The following DOCK3 variants were observed in gnomAD, a reference collection of about 807,000 sequenced individuals.
DOCK3 encodes the protein dedicator of cytokinesis 3.
DOCK3 carries 60 observed loss-of-function variants against 265.6 expected under a neutral mutation model. The observed-to-expected ratio is 0.23, with a 90% CI of 0.18 to 0.28. The LOEUF (loss-of-function observed/expected upper bound fraction) is 0.28. Ranked by LOEUF, DOCK3 falls within the 10% of genes least tolerant of loss-of-function variation. DOCK3 has a pLI of 1.00. For missense variants in DOCK3, 1,981 were observed against 2,594.3 expected (o/e 0.76, Z 5.14); for synonymous variants, 881 against 938.0 (o/e 0.94, Z 1.11).
intron 3 of DOCK3, among the ~76,000 whole-genome samples, chr3:50,879,946 G>A (rs2047937761): frequency 6.6e-6 from 1 of 152,166 alleles, no homozygotes; most frequent in African/African-American, 2.4e-5. Flanking sequence ...AGACCACAGT[G>A]CAATCAAACT....
chr3:50,699,200 C>T (rs1035891935), intron 1 of DOCK3, among the ~76,000 whole-genome samples: 8 of 152,228 alleles, frequency 5.3e-5, no homozygotes, highest in East Asian at 1.9e-4. Context: ...AATCTTGGCA[C>T]GCTTGTCAAA....
chr3:51,075,322 A>C (rs1575980771), intron 6 of DOCK3, 34 bp from the exon 7 acceptor site: 5 of 1,564,512 alleles, frequency 3.2e-6, no homozygotes, highest in Non-Finnish European at 4.4e-6. Context: ...ATCTGAGTAC[A>C]TGGCATACTG....
chr3:51,335,258 CA>C (rs1043298728), intron 35 of DOCK3, among the ~76,000 whole-genome samples: 6 of 149,670 alleles, frequency 4.0e-5, no homozygotes, highest in African/African-American at 7.4e-5. Flanking sequence ...AAGAAAAAGC[CA>C]AAAAAAAAGA....
At chr3:51,380,312 A>C (rs1577001551) in intron 52 of DOCK3, 105 bp downstream of exon 52, 21 of 1,059,356 alleles carry the variant, frequency 2.0e-5, no homozygotes, top group East Asian at 1.4e-4. Context: ...CCTCCCCTTC[A>C]CCTCTCTCCC....
intron 5 of DOCK3, among the ~76,000 whole-genome samples, chr3:51,043,644 A>G (rs1313024639): frequency 6.6e-6 from 1 of 152,120 alleles, no homozygotes; most frequent in Non-Finnish European, 1.5e-5. Flanking sequence ...GTAAACAGAC[A>G]ATCTGCAGAA....
intron 5 of DOCK3, among the ~76,000 whole-genome samples, chr3:51,022,659 T>C (rs2079643948): frequency 6.6e-6 from 1 of 152,222 alleles, no homozygotes. Context: ...TCTCCCATTC[T>C]ATAGGTTTCT....
chr3:50,974,854 A>G (rs2077378427), intron 5 of DOCK3, among the ~76,000 whole-genome samples: 2 of 136,122 alleles, frequency 1.5e-5, no homozygotes, highest in Non-Finnish European at 3.2e-5. Flanking sequence ...GAGGTCCTTC[A>G]CATCCCTTGT....
At chr3:50,836,687 T>A (rs1023877076) in intron 2 of DOCK3, among the ~76,000 whole-genome samples, 9 of 152,188 alleles carry the variant, frequency 5.9e-5, no homozygotes, top group Admixed American at 5.2e-4. Context: ...TCTTGGTGAT[T>A]AACATCTGGC....
At chr3:51,223,579 T>C (rs1220896163) in intron 14 of DOCK3, among the ~76,000 whole-genome samples, 1 of 152,106 alleles carries the variant, frequency 6.6e-6, no homozygotes, top group Non-Finnish European at 1.5e-5. Flanking sequence ...TCTAGACTAT[T>C]CACCTTGTGC....
chr3:50,889,130 T>C (rs1268807157), intron 3 of DOCK3, among the ~76,000 whole-genome samples: 1 of 150,902 alleles, frequency 6.6e-6, no homozygotes, highest in Non-Finnish European at 1.5e-5. Context: ...AGGTTCTTGC[T>C]CTGTCATATA....
At chr3:50,975,819 A>C (rs1218688450) in intron 5 of DOCK3, among the ~76,000 whole-genome samples, 10 of 151,282 alleles carry the variant, frequency 6.6e-5, no homozygotes, top group South Asian at 2.1e-4. Flanking sequence ...ACAATTTCAG[A>C]TCCTGTTATT....
chr3:50,905,160 T>C (rs1396573256), intron 4 of DOCK3, among the ~76,000 whole-genome samples: 1 of 152,166 alleles, frequency 6.6e-6, no homozygotes, highest in African/African-American at 2.4e-5. Context: ...TTTTGGTTAC[T>C]GCAGCCTTGT....
intron 5 of DOCK3, among the ~76,000 whole-genome samples, chr3:51,039,365 C>T (rs140457694): frequency 1.3e-5 from 2 of 152,024 alleles, no homozygotes; most frequent in African/African-American, 2.4e-5. Context: ...GATAAACATC[C>T]TTATAAATAA....
intron 29 of DOCK3, 137 bp from the exon 30 acceptor site, chr3:51,312,339 A>G: frequency 1.1e-6 from 1 of 900,888 alleles, no homozygotes; most frequent in South Asian, 1.7e-5. Flanking sequence ...CTTGTTTGCA[A>G]AGATATTTAA....
chr3:51,228,055 C>A lies in DOCK3; in HGVS notation c.1614C>A (p.Leu538=). Residue 538 remains leucine (L), a synonymous_variant, in exon 17 of 53, where the codon CTC becomes CTA. Transcript: ENST00000266037. ...TGATGCGTGATGATGGCACCACCCT[C>A]TCAGATGATATTCACGAGCTTTATG... The part of the protein sequence containing the change: ...STLMRDDGTT[L]SDDIHELYVY... 1 of 1,614,024 alleles carries A rather than the reference C, an allele frequency of 6.2e-7. No individual in the cohort carries two copies. The highest frequency in any genetic ancestry group is 8.5e-7 in the Non-Finnish European group (1 of 1,179,894).
At chr3:51,139,571 G>T (rs2084956872) in intron 9 of DOCK3, among the ~76,000 whole-genome samples, 1 of 152,096 alleles carries the variant, frequency 6.6e-6, no homozygotes, top group African/African-American at 2.4e-5. Flanking sequence ...CCTATTATAG[G>T]GTTGGGCTCT....
intron 2 of DOCK3, among the ~76,000 whole-genome samples, chr3:50,840,085 T>C (rs1021219753): frequency 6.6e-6 from 1 of 152,000 alleles, no homozygotes; most frequent in Non-Finnish European, 1.5e-5. Flanking sequence ...TATTTTCTTA[T>C]TGAGTTTTAA....
At chr3:51,215,398 T>C (rs934223957) in intron 14 of DOCK3, among the ~76,000 whole-genome samples, 5 of 152,330 alleles carry the variant, frequency 3.3e-5, no homozygotes, top group Middle Eastern at 3.4e-3. Context: ...CCCAAAGTGC[T>C]GGGATTACAG....
intron 1 of DOCK3, among the ~76,000 whole-genome samples, chr3:50,753,729 T>C (rs543122803): frequency 6.6e-6 from 1 of 152,176 alleles, no homozygotes; most frequent in Admixed American, 6.5e-5. Context: ...TCTATTAGAG[T>C]CTTCTCTTGT....
Sources: allele counts gnomAD v4.1 joint callset (sites outside exome capture counted in the v4.1 genomes callset), GRCh38; gene constraint gnomAD v4.1.1; transcripts MANE v1.5; gene names NCBI Gene and HGNC (gene_info 2026-07-23, HGNC 2026-07-21).